MYO5A: variants seen among roughly 807,000 people sequenced by gnomAD.
The protein encoded by MYO5A is myosin VA.
In MYO5A, 98 loss-of-function variants were observed where a neutral mutation model predicts 249.7. The observed-to-expected ratio is 0.39, with a 90% CI of 0.33 to 0.46. The LOEUF (loss-of-function observed/expected upper bound fraction) is 0.46, where lower values mean the gene tolerates loss of function less well. Among genes scored for constraint, MYO5A ranks in the 20% least tolerant of loss-of-function variants. The probability of loss-of-function intolerance (pLI) is 0.98; values close to 1 mark genes in which losing one functional copy is unlikely to be tolerated. For synonymous variants in MYO5A, 778 were observed against 810.6 expected (o/e 0.96, Z 0.68); for missense variants, 1,696 against 2,308.8 (o/e 0.73, Z 5.44).
chr15:52,426,317 GT>G (rs33984064), intron 3 of MYO5A, among the ~76,000 whole-genome samples: 5,291 of 141,618 alleles, frequency 0.037, 115 homozygotes, highest in African/African-American at 0.062. Context: ...CATGCAAAGA[GT>G]TTTTTTTTTT....
chr15:52,340,217 G>C lies in MYO5A; in HGVS notation c.4218C>G (p.Thr1406=). The C allele has an allele frequency of 6.2e-7, 1 of 1,614,144 alleles. No homozygotes were observed. The highest frequency in any genetic ancestry group is 8.5e-7 in the Non-Finnish European group (1 of 1,180,014). The change falls in exon 32 of 42, where the codon ACC becomes ACG. Residue 1406 remains threonine (T), a synonymous_variant. Coordinates refer to ENST00000399233, the MANE Select transcript of MYO5A (RefSeq NM_001382347.1). ...RIEASLQHEI[T]RLTNENLYFE... ...TTACCAAGTTTTCGTTGGTCAGCCG[G>C]GTGATCTCGTGCTGCAGGCTGGCCT... is the stretch of plus-strand genomic sequence containing the variant.
intron 5 of MYO5A, among the ~76,000 whole-genome samples, chr15:52,413,007 C>T (rs147797494): frequency 1.1e-4 from 17 of 152,022 alleles, no homozygotes; most frequent in African/African-American, 3.9e-4. Flanking sequence ...AGTAGCTGAG[C>T]GTGGTGGCAT....
Position 52,340,387 on chromosome 15 carries a change from C to A in MYO5A, c.4048G>T (p.Glu1350Ter). Residue 1350 changes from glutamate to a stop codon, truncating the protein, a stop_gained, in exon 32 of 42, where the codon GAA becomes TAA. Coordinates refer to ENST00000399233, the MANE Select transcript of MYO5A (RefSeq NM_001382347.1). LOFTEE classifies it high-confidence loss of function. ...EGLKQANRLLESQLQSQKRSH... is the reference protein window; with the variant it reads ...EGLKQANRLL ...CTCTTCTGTGACTGCAGCTGGGATT[C>A]CAGGAGCCTGCGGAGAGGACACATG... The A allele has an allele frequency of 6.2e-7, 1 of 1,612,372 alleles. No individual in the cohort carries two copies. The highest frequency in any genetic ancestry group is 8.5e-7 in the Non-Finnish European group (1 of 1,179,992).
intron 4 of MYO5A, among the ~76,000 whole-genome samples, chr15:52,423,717 T>C (rs111997049): frequency 0.014 from 2,167 of 152,274 alleles, 27 homozygotes; most frequent in Non-Finnish European, 0.022. Flanking sequence ...TGAGGCATAT[T>C]TTAAAGCTGT....
chr15:52,408,101 A>C lies in MYO5A; in HGVS notation c.796T>G (p.Cys266Gly). 17 of 1,608,424 alleles carry C rather than the reference A, an allele frequency of 1.1e-5. No individual in the cohort carries two copies. The highest frequency in any genetic ancestry group is 1.4e-5 in the Non-Finnish European group (17 of 1,175,426). The change falls in exon 7 of 42, where the codon TGT becomes GGT. Residue 266 changes from cysteine (C) to glycine (G), a missense_variant. Around this residue, in one of 5 missense-constraint regions of MYO5A, gnomAD observed 185 missense variants for 204.8 expected, o/e 0.90. Coordinates refer to ENST00000399233, the MANE Select transcript of MYO5A (RefSeq NM_001382347.1). ...ERNYHIFYQL[C>G]ASAKLPEFKM... ...AATTCAGGTAACTTTGCTGAGGCAC[A>C]AAGCTGATAGAAGATATGATAGTTT... is the stretch of plus-strand genomic sequence containing the variant.
intron 4 of MYO5A, among the ~76,000 whole-genome samples, chr15:52,418,026 C>A (rs1208409103): frequency 6.6e-6 from 1 of 152,090 alleles, no homozygotes; most frequent in Non-Finnish European, 1.5e-5. Context: ...GACAGCTGAA[C>A]AAGGTCTACA....
chr15:52,350,183 C>T lies in MYO5A; in HGVS notation c.3849+1071G>A, dbSNP rs570042029. 9.2e-5 allele frequency among the ~76,000 whole-genome samples: 14 copies of T among 152,312 alleles called. No homozygotes were observed. In the East Asian group the frequency reaches 1.7e-3, roughly 19 times the overall value. Reference sequence around the variant, plus strand: ...TCCTGACCTCGTGATCTGCCCGCCTCGGCCTCCCAAAGTGTTGAGATTACA... The same window carrying T: ...TCCTGACCTCGTGATCTGCCCGCCTTGGCCTCCCAAAGTGTTGAGATTACA... On this transcript the variant is annotated intron_variant, in intron 28 of 41. Coordinates refer to ENST00000399233, the MANE Select transcript of MYO5A (RefSeq NM_001382347.1).
chr15:52,307,393 A>G lies in MYO5A; in HGVS notation c.*6303T>C, dbSNP rs2037656690. The G allele has an allele frequency of 6.6e-6, 1 of 152,212 alleles. No homozygotes were observed. Among genetic ancestry groups the G allele is most frequent in the Non-Finnish European group, 1.5e-5 (1 of 68,010 alleles). 9.4% of individuals were successfully genotyped at this position (152,212 alleles called of 1,614,324 possible). A position where few individuals can be genotyped will look rare whatever the true frequency, so the allele number is the denominator to read the frequency against. On this transcript the variant is annotated 3_prime_UTR_variant, in exon 42 of 42. Transcript: ENST00000399233. ...ATGGACAACTACAAATTTAGAGCAT[A>G]AATGTAATTCTGATATTGTTTTGGT...
intron 22 of MYO5A, 58 bp from the exon 23 acceptor site, chr15:52,367,182 C>G (rs2040854653): frequency 1.4e-6 from 2 of 1,444,118 alleles, no homozygotes; most frequent in Admixed American, 1.7e-5. Context: ...GCCTGATGAC[C>G]AAGGATAAAG....
chr15:52,375,109 C>T (rs918931443), intron 20 of MYO5A, among the ~76,000 whole-genome samples, 195 bp downstream of exon 20: 2 of 152,118 alleles, frequency 1.3e-5, no homozygotes, highest in African/African-American at 4.8e-5. Context: ...TGCACCACTG[C>T]ACCCCAGCCA....
At chr15:52,468,677 C>G (rs2076399420) in intron 1 of MYO5A, among the ~76,000 whole-genome samples, 1 of 151,914 alleles carries the variant, frequency 6.6e-6, no homozygotes, top group Non-Finnish European at 1.5e-5. Context: ...CTCTATAAAA[C>G]ATAATAACAA....
At chr15:52,526,923 G>A (rs557980465) in intron 1 of MYO5A, among the ~76,000 whole-genome samples, 23 of 152,274 alleles carry the variant, frequency 1.5e-4, no homozygotes, top group Non-Finnish European at 2.9e-4. Context: ...CATATAGAAC[G>A]GAGGGTGTCC....
chr15:52,345,118 C>G (rs1473637456), intron 30 of MYO5A, among the ~76,000 whole-genome samples: 1 of 152,180 alleles, frequency 6.6e-6, no homozygotes, highest in African/African-American at 2.4e-5. Context: ...GATCCACAGA[C>G]GTTCGAATCC....
At chr15:52,349,964 ACT>A (rs2039858163) in intron 28 of MYO5A, among the ~76,000 whole-genome samples, 2 of 152,148 alleles carry the variant, frequency 1.3e-5, no homozygotes, top group Admixed American at 6.5e-5. Flanking sequence ...ACGGAGTCTC[ACT>A]CTATCGCCCA....
At chr15:52,425,997 G>C in intron 3 of MYO5A, 23 bp from the exon 4 acceptor site, 2 of 1,605,764 alleles carry the variant, frequency 1.2e-6, no homozygotes, top group South Asian at 2.2e-5. Context: ...TAGGGGACAA[G>C]AAAGAAAAAG....
intron 1 of MYO5A, among the ~76,000 whole-genome samples, chr15:52,444,330 TAATC>T (rs1443219367): frequency 1.3e-5 from 2 of 152,154 alleles, no homozygotes; most frequent in Admixed American, 6.6e-5. Flanking sequence ...ATAATTAAAA[TAATC>T]AAAGGTAAAA....
At chr15:52,373,518 A>ACC (rs112094753) in intron 20 of MYO5A, among the ~76,000 whole-genome samples, 9 of 151,744 alleles carry the variant, frequency 5.9e-5, no homozygotes, top group South Asian at 4.2e-4. Flanking sequence ...TCTCTTTAAG[A>ACC]CCCCCCCACT....
At chr15:52,501,503 G>A (rs2077158232) in intron 1 of MYO5A, among the ~76,000 whole-genome samples, 1 of 152,060 alleles carries the variant, frequency 6.6e-6, no homozygotes, top group Admixed American at 6.6e-5. Flanking sequence ...GGAGACTGAG[G>A]TGGGAGAATT....
chr15:52,422,936 G>A (rs1164493605), intron 4 of MYO5A, among the ~76,000 whole-genome samples: 10 of 152,028 alleles, frequency 6.6e-5, no homozygotes, highest in Admixed American at 6.6e-4. Context: ...CCAGGCTGGA[G>A]TGTGGTAGCA....
Sources: gnomAD v4.1 joint callset for allele counts (sites outside exome capture counted in the v4.1 genomes callset) on GRCh38, gnomAD v4.1.1 for gene constraint, gnomAD v4.1.1 regional missense constraint, MANE v1.5 for transcripts, NCBI Gene and HGNC (gene_info 2026-07-23, HGNC 2026-07-21) for gene names.